Variants in FAM184B observed in about 807,000 individuals in gnomAD.
The protein encoded by FAM184B is family with sequence similarity 184 member B, also known as protein FAM184B.
FAM184B carries 111 observed loss-of-function variants against 135.9 expected under a neutral mutation model. That is an observed-to-expected ratio of 0.82 (90% confidence interval 0.70 to 0.96). FAM184B has a LOEUF of 0.96. Ranked by LOEUF, FAM184B falls within the 40% of genes least tolerant of loss-of-function variation. FAM184B has a pLI of 0.00. For missense variants in FAM184B, 1,375 were observed against 1,323.9 expected (o/e 1.04, Z -0.60); for synonymous variants, 552 against 524.8 (o/e 1.05, Z -0.71).
rs187946918 is a variant in FAM184B, at chr4:17,751,193, A to C, written c.141+29966T>G. The stretch of plus-strand genomic sequence containing the variant: ...TGTGGTGGTGGACACCTGTAATCCC[A>C]GCTACTCAGGAGGCTGAGGCCGGAG... On this transcript the variant is annotated intron_variant, in intron 1 of 17. Transcript: ENST00000265018. Among the ~76,000 whole-genome samples the C allele has an allele frequency of 6.6e-5, 10 of 151,614 alleles. No homozygotes were observed. In the East Asian group the frequency reaches 2.0e-3, roughly 30 times the overall value.
At chr4:17,638,818 G>A (rs751515550) in intron 14 of FAM184B, among the ~76,000 whole-genome samples, 155 of 152,120 alleles carry the variant, frequency 1.0e-3, no homozygotes, top group Middle Eastern at 3.2e-3. Context: ...GGAGACTGAT[G>A]AGCCCCTGGC....
chr4:17,636,124 T>C (rs1303153155), intron 15 of FAM184B, among the ~76,000 whole-genome samples: 1 of 152,168 alleles, frequency 6.6e-6, no homozygotes, highest in Non-Finnish European at 1.5e-5. Context: ...GAGTTTTTCT[T>C]TGAGACAGTC....
intron 1 of FAM184B, among the ~76,000 whole-genome samples, chr4:17,717,860 C>T (rs1717430373): frequency 6.6e-6 from 1 of 152,026 alleles, no homozygotes; most frequent in Non-Finnish European, 1.5e-5. Flanking sequence ...AGATAATTTA[C>T]ATGTGTCTTT....
chr4:17,715,605 T>C (rs1717387442), intron 1 of FAM184B, among the ~76,000 whole-genome samples: 1 of 152,178 alleles, frequency 6.6e-6, no homozygotes, highest in Non-Finnish European at 1.5e-5. Flanking sequence ...AACAATATAC[T>C]GTATATTTGA....
chr4:17,680,627 C>T (rs1406953630), intron 7 of FAM184B, among the ~76,000 whole-genome samples: 1 of 152,214 alleles, frequency 6.6e-6, no homozygotes, highest in East Asian at 1.9e-4. Flanking sequence ...TCCCATCAGG[C>T]GTTTTTCTCA....
intron 7 of FAM184B, among the ~76,000 whole-genome samples, chr4:17,678,472 G>A (rs1239596854): frequency 6.6e-6 from 1 of 151,838 alleles, no homozygotes; most frequent in Non-Finnish European, 1.5e-5. Flanking sequence ...ACCTAACCAA[G>A]GAGGTGAAAG....
At chr4:17,750,158 C>T (rs1718262723) in intron 1 of FAM184B, among the ~76,000 whole-genome samples, 1 of 152,200 alleles carries the variant, frequency 6.6e-6, no homozygotes, top group Non-Finnish European at 1.5e-5. Flanking sequence ...TAAGAGTCAT[C>T]ATACATATTG....
At chr4:17,634,865 CATAGAT>C (rs1560162642) in intron 16 of FAM184B, 138 bp downstream of exon 16, 3 of 557,618 alleles carry the variant, frequency 5.4e-6, no homozygotes, top group Non-Finnish European at 9.3e-6. Context: ...TCCGCCCAGC[CATAGAT>C]ATAAACAAGT....
chr4:17,642,964 C>T (rs1015861470), intron 12 of FAM184B, among the ~76,000 whole-genome samples: 2 of 152,256 alleles, frequency 1.3e-5, no homozygotes, highest in Non-Finnish European at 2.9e-5. Flanking sequence ...TCACTGCACA[C>T]AGTAATTGCA....
chr4:17,770,524 C>T lies in FAM184B; in HGVS notation c.141+10635G>A, dbSNP rs192882085. 1.8e-4 allele frequency among the ~76,000 whole-genome samples: 28 copies of T among 152,172 alleles called. No individual in the cohort carries two copies. The East Asian group carries it at 4.8e-3, about 26-fold the overall frequency. Reference sequence around the variant, plus strand: ...TGCCACGCAGGCTGGAGTGCAGTGGCGAAATATTGGCTCACTGCAACCTCC... The same window carrying T: ...TGCCACGCAGGCTGGAGTGCAGTGGTGAAATATTGGCTCACTGCAACCTCC... On this transcript the variant is annotated intron_variant, in intron 1 of 17. Coordinates refer to ENST00000265018, the MANE Select transcript of FAM184B (RefSeq NM_015688.2).
At chr4:17,667,089 G>A (rs1560172141) in intron 7 of FAM184B, among the ~76,000 whole-genome samples, 1 of 151,898 alleles carries the variant, frequency 6.6e-6, no homozygotes, top group Admixed American at 6.6e-5. Context: ...CTCCTGAGTA[G>A]CTGGGACTAC....
chr4:17,649,632 A>G (rs1330296303), intron 11 of FAM184B, among the ~76,000 whole-genome samples: 1 of 151,868 alleles, frequency 6.6e-6, no homozygotes, highest in African/African-American at 2.4e-5. Flanking sequence ...CAGAATTTTG[A>G]TAAAGTGATT....
intron 1 of FAM184B, among the ~76,000 whole-genome samples, chr4:17,720,603 T>C (rs1457308837): frequency 6.6e-6 from 1 of 152,012 alleles, no homozygotes; most frequent in Non-Finnish European, 1.5e-5. Flanking sequence ...AAATTAAACA[T>C]AGGGCGAGGC....
chr4:17,684,184 T>C (rs1053496952), intron 7 of FAM184B, among the ~76,000 whole-genome samples: 7 of 143,764 alleles, frequency 4.9e-5, no homozygotes, highest in Non-Finnish European at 1.1e-4. Context: ...AAAATAATTA[T>C]ATATAAAATA....
At chr4:17,780,866 G>C (rs1173298632) in intron 1 of FAM184B, among the ~76,000 whole-genome samples, 2 of 151,346 alleles carry the variant, frequency 1.3e-5, no homozygotes, top group Non-Finnish European at 3.0e-5. Flanking sequence ...AGCTGGCGGG[G>C]ACACACACAC....
At chr4:17,664,688 A>G in intron 7 of FAM184B, 29 bp from the exon 8 acceptor site, 1 of 1,506,550 alleles carries the variant, frequency 6.6e-7, no homozygotes, top group East Asian at 2.5e-5. Context: ...AAGAAAAAAA[A>G]AAAAAAGGCA....
In FAM184B at chr4:17,707,677, C is replaced by T; in HGVS notation, c.1002G>A (p.Leu334=). ...KLAVAKDRMM[L]QECRGTQQTD... The stretch of plus-strand genomic sequence containing the variant: ...TCTGCTGTGTCCCACGACACTCCTG[C>T]AGCATCATTCTGTCTTTGGCAACAG... The change falls in exon 3 of 18, where the codon CTG becomes CTA. Residue 334 remains leucine (L), a synonymous_variant. Transcript: ENST00000265018. The T allele has an allele frequency of 6.4e-7, 1 of 1,551,836 alleles. No homozygotes were observed. Among genetic ancestry groups the T allele is most frequent in the Non-Finnish European group, 8.7e-7 (1 of 1,147,038 alleles).
intron 7 of FAM184B, among the ~76,000 whole-genome samples, chr4:17,675,398 T>G (rs1354296623): frequency 6.6e-6 from 1 of 152,208 alleles, no homozygotes; most frequent in East Asian, 1.9e-4. Flanking sequence ...AAAACAGATG[T>G]GCTATCATAC....
intron 1 of FAM184B, among the ~76,000 whole-genome samples, chr4:17,726,112 G>A (rs1717633764): frequency 6.6e-6 from 1 of 152,070 alleles, no homozygotes; most frequent in South Asian, 2.1e-4. Context: ...TTTCAGTAGA[G>A]ACGGGGTTTC....
Sources: gnomAD v4.1 joint callset for allele counts (sites outside exome capture counted in the v4.1 genomes callset) on GRCh38, gnomAD v4.1.1 for gene constraint, MANE v1.5 for transcripts, NCBI Gene and HGNC (gene_info 2026-07-23, HGNC 2026-07-21) for gene names.